The following TENM3 variants were observed in gnomAD, a reference collection of about 807,000 sequenced individuals.
The protein encoded by TENM3 is teneurin transmembrane protein 3.
TENM3 carries 63 observed loss-of-function variants against 255.1 expected under a neutral mutation model. That is an observed-to-expected ratio of 0.25 (90% confidence interval 0.20 to 0.30). The LOEUF is 0.30. Among genes scored for constraint, TENM3 ranks in the 10% least tolerant of loss-of-function variants. TENM3 has a pLI of 1.00. For missense variants in TENM3, 2,929 were observed against 3,461.1 expected (o/e 0.85, Z 3.86); for synonymous variants, 1,306 against 1,322.3 (o/e 0.99, Z 0.27).
chr4:182,420,965 AG>A (rs1770791774), intron 3 of TENM3, among the ~76,000 whole-genome samples: 1 of 152,180 alleles, frequency 6.6e-6, no homozygotes, highest in Admixed American at 6.5e-5. Context: ...AATTGATATC[AG>A]TGCAAAGAAA....
chr4:182,040,121 GGGC>G, the TENM3 span, among the ~76,000 whole-genome samples: 1 of 184 alleles, frequency 5.4e-3, no homozygotes, highest in Non-Finnish European at 0.022. Flanking sequence ...GGGCAGAAGA[GGGC>G]AGGGGAGGGG....
the TENM3 span, among the ~76,000 whole-genome samples, chr4:181,780,971 A>G: frequency 4.6e-5 from 7 of 152,126 alleles, no homozygotes; most frequent in African/African-American, 1.7e-4. Context: ...GTTCTGTTCC[A>G]TTGGTCTATA....
At chr4:181,990,851 A>G in the TENM3 span, among the ~76,000 whole-genome samples, 1 of 152,174 alleles carries the variant, frequency 6.6e-6, no homozygotes, top group South Asian at 2.1e-4. Context: ...AAGAAAGGCA[A>G]AATACCTGTG....
At chr4:181,759,323 A>T in the TENM3 span, among the ~76,000 whole-genome samples, 4 of 152,158 alleles carry the variant, frequency 2.6e-5, no homozygotes, top group African/African-American at 9.7e-5. Flanking sequence ...AGACTTTTAG[A>T]TTGAGATGAG....
the TENM3 span, among the ~76,000 whole-genome samples, chr4:181,803,063 G>A: frequency 6.6e-6 from 1 of 151,600 alleles, no homozygotes. Context: ...ATCATTACAT[G>A]TATGTGTTAG....
At chr4:182,461,645 A>G (rs2151391435) in intron 3 of TENM3, among the ~76,000 whole-genome samples, 2 of 152,228 alleles carry the variant, frequency 1.3e-5, no homozygotes, top group Middle Eastern at 3.4e-3. Context: ...ACCCATTTGG[A>G]CTCTTCCTAC....
At chr4:181,717,226 G>A in the TENM3 span, among the ~76,000 whole-genome samples, 2 of 152,174 alleles carry the variant, frequency 1.3e-5, no homozygotes, top group Non-Finnish European at 2.9e-5. Flanking sequence ...TCTAGGAATT[G>A]AATGTGGATG....
intron 4 of TENM3, among the ~76,000 whole-genome samples, chr4:182,625,608 C>T (rs1216613317): frequency 6.6e-6 from 1 of 152,152 alleles, no homozygotes; most frequent in African/African-American, 2.4e-5. Context: ...AAATGTCAGT[C>T]CTTTTCCTAT....
At chr4:182,497,110 G>T (rs1735846447) in intron 3 of TENM3, among the ~76,000 whole-genome samples, 1 of 151,376 alleles carries the variant, frequency 6.6e-6, no homozygotes, top group Non-Finnish European at 1.5e-5. Context: ...CTGGAATGCA[G>T]TGGCACGATC....
At chr4:181,493,504 G>A in the TENM3 span, among the ~76,000 whole-genome samples, 1 of 152,110 alleles carries the variant, frequency 6.6e-6, no homozygotes, top group Non-Finnish European at 1.5e-5. Context: ...GCCGAGGCAG[G>A]TGGATCACCT....
At chr4:181,631,967 A>C in the TENM3 span, among the ~76,000 whole-genome samples, 17 of 152,304 alleles carry the variant, frequency 1.1e-4, no homozygotes, top group African/African-American at 4.1e-4. Context: ...TTAGAGCACA[A>C]AAAATGCCAT....
chr4:181,469,377 T>C, the TENM3 span, among the ~76,000 whole-genome samples: 1 of 152,216 alleles, frequency 6.6e-6, no homozygotes, highest in South Asian at 2.1e-4. Flanking sequence ...TATAAATTAT[T>C]GTGGCAATTA....
At chr4:182,561,355 T>A (rs1052419290) in intron 3 of TENM3, among the ~76,000 whole-genome samples, 8 of 151,522 alleles carry the variant, frequency 5.3e-5, no homozygotes, top group African/African-American at 1.9e-4. Flanking sequence ...GAATATAGAA[T>A]AGCATAGGAA....
chr4:182,372,534 G>A (rs1168026353), intron 3 of TENM3, among the ~76,000 whole-genome samples: 1 of 152,020 alleles, frequency 6.6e-6, no homozygotes, highest in Non-Finnish European at 1.5e-5. Flanking sequence ...TTGCAAACAA[G>A]ATTGTAAGCA....
intron 3 of TENM3, among the ~76,000 whole-genome samples, chr4:182,577,237 T>C (rs1351012045): frequency 6.6e-6 from 1 of 152,260 alleles, no homozygotes; most frequent in Non-Finnish European, 1.5e-5. Context: ...TCTGTATATC[T>C]GTATGCTCAA....
At chr4:182,460,840 A>G (rs1471794303) in intron 3 of TENM3, among the ~76,000 whole-genome samples, 2 of 152,212 alleles carry the variant, frequency 1.3e-5, no homozygotes, top group Admixed American at 6.5e-5. Flanking sequence ...ATGTTTTTCT[A>G]TAAAATAAGA....
intron 3 of TENM3, among the ~76,000 whole-genome samples, chr4:182,389,528 G>A (rs1768258012): frequency 6.6e-6 from 1 of 152,112 alleles, no homozygotes; most frequent in African/African-American, 2.4e-5. Context: ...GTCAGCGTAT[G>A]TGGCACAAAG....
the TENM3 span, among the ~76,000 whole-genome samples, chr4:181,717,755 G>A: frequency 6.6e-6 from 1 of 152,146 alleles, no homozygotes; most frequent in African/African-American, 2.4e-5. Context: ...TCTCTGTCTA[G>A]AATGTGTATC....
chr4:182,607,721 A>G (rs1748569677), intron 4 of TENM3, among the ~76,000 whole-genome samples: 1 of 152,250 alleles, frequency 6.6e-6, no homozygotes, highest in African/African-American at 2.4e-5. Flanking sequence ...CCAAGAAAGT[A>G]TGCATTAATC....
Sources: allele counts gnomAD v4.1 joint callset (sites outside exome capture counted in the v4.1 genomes callset), GRCh38; gene constraint gnomAD v4.1.1; transcripts MANE v1.5; gene names NCBI Gene and HGNC (gene_info 2026-07-23, HGNC 2026-07-21).